The following HEMK2 variants were observed in gnomAD, a reference collection of about 807,000 sequenced individuals.
HEMK2 encodes the protein methyltransferase HEMK2.
chr21:28,730,646 G>A, the HEMK2 span, among the ~76,000 whole-genome samples: 27 of 152,042 alleles, frequency 1.8e-4, no homozygotes, highest in Non-Finnish European at 3.4e-4. Flanking sequence ...GCTTGGAGAC[G>A]TGAGTCCTTG....
At chr21:28,769,655 T>C in the HEMK2 span, among the ~76,000 whole-genome samples, 1 of 152,146 alleles carries the variant, frequency 6.6e-6, no homozygotes, top group Non-Finnish European at 1.5e-5. Flanking sequence ...CTCACTTGCT[T>C]ATAATGACTC....
chr21:28,850,277 T>G, the HEMK2 span, among the ~76,000 whole-genome samples: 1 of 140,096 alleles, frequency 7.1e-6, no homozygotes, highest in African/African-American at 2.7e-5. Context: ...CAGGCTGGAG[T>G]GCAGTGGCGC....
At chr21:28,865,218 T>A in the HEMK2 span, among the ~76,000 whole-genome samples, 2 of 152,180 alleles carry the variant, frequency 1.3e-5, no homozygotes, top group Admixed American at 1.3e-4. Context: ...CAGGCTGGAG[T>A]GCAGTGGCAC....
the HEMK2 span, among the ~76,000 whole-genome samples, chr21:28,767,545 A>G: frequency 6.7e-6 from 1 of 149,424 alleles, no homozygotes; most frequent in Admixed American, 6.6e-5. Flanking sequence ...TAGTCGTTAA[A>G]CAATTGGCAA....
At chr21:28,805,825 T>C in the HEMK2 span, among the ~76,000 whole-genome samples, 5 of 152,216 alleles carry the variant, frequency 3.3e-5, no homozygotes, top group Non-Finnish European at 7.3e-5. Flanking sequence ...GAAACTAATG[T>C]ATTTATAGGT....
At chr21:28,804,938 C>A in the HEMK2 span, among the ~76,000 whole-genome samples, 3 of 152,216 alleles carry the variant, frequency 2.0e-5, no homozygotes, top group Non-Finnish European at 2.9e-5. Flanking sequence ...CTTAAATCTA[C>A]AGAAACCTGG....
At chr21:28,878,495 G>A in the HEMK2 span, among the ~76,000 whole-genome samples, 1 of 152,186 alleles carries the variant, frequency 6.6e-6, no homozygotes, top group Non-Finnish European at 1.5e-5. Context: ...ATTTTCTAGT[G>A]TGTAACCTTG....
chr21:28,883,258 A>G, the HEMK2 span, among the ~76,000 whole-genome samples: 1 of 152,188 alleles, frequency 6.6e-6, no homozygotes, highest in Non-Finnish European at 1.5e-5. Context: ...ACTCAAAATT[A>G]CTAATATTTT....
chr21:28,594,376 T>C, the HEMK2 span, among the ~76,000 whole-genome samples: 1 of 152,192 alleles, frequency 6.6e-6, no homozygotes, highest in South Asian at 2.1e-4. Flanking sequence ...AGTTCATTAA[T>C]TGTGACAAAT....
the HEMK2 span, among the ~76,000 whole-genome samples, chr21:28,831,453 AGAAAAGAAC>A: frequency 1.1e-5 from 1 of 92,570 alleles, no homozygotes; most frequent in African/African-American, 7.0e-5. Context: ...TCAAAAAGAA[AGAAAAGAAC>A]GAAAGAAAGA....
At chr21:28,810,880 T>C in the HEMK2 span, among the ~76,000 whole-genome samples, 79 of 152,246 alleles carry the variant, frequency 5.2e-4, no homozygotes, top group Non-Finnish European at 1.1e-3. Flanking sequence ...ATCCTCTACA[T>C]CTGATCTTCC....
chr21:28,588,826 A>G, the HEMK2 span, among the ~76,000 whole-genome samples: 1 of 152,022 alleles, frequency 6.6e-6, no homozygotes, highest in East Asian at 1.9e-4. Flanking sequence ...TACTAAAAAT[A>G]CAAAAAATTA....
At chr21:28,842,832 G>C in the HEMK2 span, among the ~76,000 whole-genome samples, 1 of 152,258 alleles carries the variant, frequency 6.6e-6, no homozygotes, top group African/African-American at 2.4e-5. Context: ...TGTATACAGA[G>C]AATCAGGTAG....
the HEMK2 span, among the ~76,000 whole-genome samples, chr21:28,848,627 G>A: frequency 1.3e-5 from 2 of 152,038 alleles, no homozygotes; most frequent in Admixed American, 6.5e-5. Context: ...ACTTAGCAAT[G>A]TTATTAGAAA....
the HEMK2 span, among the ~76,000 whole-genome samples, chr21:28,789,873 ATCAC>A: frequency 4.1e-4 from 62 of 152,190 alleles, no homozygotes; most frequent in Non-Finnish European, 8.1e-4. Context: ...CCAGACTAAA[ATCAC>A]TCACTCACTC....
the HEMK2 span, among the ~76,000 whole-genome samples, chr21:28,659,582 C>T: frequency 1.3e-5 from 2 of 151,872 alleles, no homozygotes; most frequent in Non-Finnish European, 2.9e-5. Flanking sequence ...ATTCATATAC[C>T]CTGGACTCAA....
At chr21:28,726,638 T>G in the HEMK2 span, among the ~76,000 whole-genome samples, 3 of 152,224 alleles carry the variant, frequency 2.0e-5, no homozygotes, top group African/African-American at 7.2e-5. Flanking sequence ...CCAGGCACAG[T>G]GGCTCATGCC....
chr21:28,722,376 C>T, the HEMK2 span, among the ~76,000 whole-genome samples: 2 of 151,984 alleles, frequency 1.3e-5, no homozygotes, highest in East Asian at 1.9e-4. Flanking sequence ...AACAGGAGTC[C>T]GATGGAAGAG....
chr21:28,642,167 C>T, the HEMK2 span, among the ~76,000 whole-genome samples: 1 of 152,200 alleles, frequency 6.6e-6, no homozygotes, highest in Non-Finnish European at 1.5e-5. Context: ...AATGTTGAAA[C>T]AACCCCAAAA....
Sources: gnomAD v4.1 joint callset for allele counts (sites outside exome capture counted in the v4.1 genomes callset) on GRCh38, gnomAD v4.1.1 for gene constraint, MANE v1.5 for transcripts, NCBI Gene and HGNC (gene_info 2026-07-23, HGNC 2026-07-21) for gene names.